The following TENM3 variants were observed in gnomAD, a reference collection of about 807,000 sequenced individuals.
TENM3 encodes teneurin transmembrane protein 3, also known as teneurin-3.
A neutral mutation model predicts 255.1 loss-of-function variants in TENM3; 63 were observed. The observed-to-expected ratio is 0.25, with a 90% CI of 0.20 to 0.30. The LOEUF is 0.30. Ranked by LOEUF, TENM3 falls within the 10% of genes least tolerant of loss-of-function variation. The pLI, the probability that TENM3 is intolerant of heterozygous loss-of-function variation, is 1.00. For synonymous variants in TENM3, 1,306 were observed against 1,322.3 expected, an observed-to-expected ratio of 0.99 and a Z score of 0.27; for missense variants, 2,929 against 3,461.1, an observed-to-expected ratio of 0.85 and a Z score of 3.86.
chr4:182,216,871 G>A (rs1007888479), intron 1 of TENM3, among the ~76,000 whole-genome samples: 1 of 152,112 alleles, frequency 6.6e-6, no homozygotes, highest in African/African-American at 2.4e-5. Context: ...TGGCAGACTT[G>A]CATTCTATTA....
chr4:182,136,985 C>G, the TENM3 span, among the ~76,000 whole-genome samples: 6 of 151,290 alleles, frequency 4.0e-5, no homozygotes, highest in African/African-American at 1.5e-4. Flanking sequence ...TCCCCCCCCA[C>G]CCAATACAAC....
At chr4:181,789,510 G>A in the TENM3 span, among the ~76,000 whole-genome samples, 137 of 151,942 alleles carry the variant, frequency 9.0e-4, no homozygotes, top group Non-Finnish European at 1.6e-3. Context: ...ACCCACTTCA[G>A]CCTCCCAAAG....
chr4:181,694,699 A>T, the TENM3 span, among the ~76,000 whole-genome samples: 1 of 152,234 alleles, frequency 6.6e-6, no homozygotes, highest in South Asian at 2.1e-4. Context: ...GAATGACCCC[A>T]GGAAAGCTTT....
the TENM3 span, among the ~76,000 whole-genome samples, chr4:181,775,304 T>C: frequency 1.3e-5 from 2 of 152,184 alleles, no homozygotes; most frequent in Non-Finnish European, 2.9e-5. Flanking sequence ...TTCCCTGCCT[T>C]AATAGACACA....
chr4:181,959,693 A>C, the TENM3 span, among the ~76,000 whole-genome samples: 2 of 152,200 alleles, frequency 1.3e-5, no homozygotes, highest in Non-Finnish European at 2.9e-5. Context: ...AAAGAAAAAA[A>C]CATTAATTCA....
intron 1 of TENM3, among the ~76,000 whole-genome samples, chr4:182,269,407 T>C (rs1442234990): frequency 6.6e-6 from 1 of 152,194 alleles, no homozygotes; most frequent in Non-Finnish European, 1.5e-5. Flanking sequence ...ACTGGACAGT[T>C]GGCCAAGGGA....
chr4:182,089,651 A>G, the TENM3 span, among the ~76,000 whole-genome samples: 2 of 152,208 alleles, frequency 1.3e-5, no homozygotes, highest in African/African-American at 4.8e-5. Context: ...GGCTTCTAAG[A>G]AATATACATA....
chr4:181,787,049 T>C, the TENM3 span, among the ~76,000 whole-genome samples: 6 of 152,298 alleles, frequency 3.9e-5, no homozygotes, highest in African/African-American at 1.2e-4. Flanking sequence ...AATAAAACCC[T>C]AAGCACCTCA....
chr4:181,661,614 C>T, the TENM3 span, among the ~76,000 whole-genome samples: 47,836 of 151,852 alleles, frequency 0.32, 7,872 homozygotes, highest in Non-Finnish European at 0.37. Context: ...TACTGAATTG[C>T]GAGCCCTGTT....
the TENM3 span, among the ~76,000 whole-genome samples, chr4:181,856,106 A>G: frequency 2.5e-5 from 3 of 121,898 alleles, no homozygotes; most frequent in Non-Finnish European, 5.3e-5. Flanking sequence ...GGAAAGAAGG[A>G]AGGAAAGGAA....
At chr4:181,545,767 T>G in the TENM3 span, among the ~76,000 whole-genome samples, 9 of 152,332 alleles carry the variant, frequency 5.9e-5, no homozygotes, top group Non-Finnish European at 8.8e-5. Context: ...GGAAAGAAAT[T>G]CAGCATGTGT....
At chr4:182,332,521 C>A (rs559474420) in intron 2 of TENM3, among the ~76,000 whole-genome samples, 2 of 152,038 alleles carry the variant, frequency 1.3e-5, no homozygotes, top group South Asian at 4.1e-4. Context: ...GGAGAAACCC[C>A]CATCTCTACT....
chr4:181,992,438 C>A, the TENM3 span, among the ~76,000 whole-genome samples: 1 of 152,064 alleles, frequency 6.6e-6, no homozygotes, highest in Non-Finnish European at 1.5e-5. Context: ...ACAGCAGAGA[C>A]CTCCGATAAC....
At chr4:181,861,125 C>T in the TENM3 span, among the ~76,000 whole-genome samples, 5 of 152,156 alleles carry the variant, frequency 3.3e-5, no homozygotes, top group East Asian at 1.9e-4. Context: ...CTTGAAAATA[C>T]GTTATTATCT....
intron 3 of TENM3, 91 bp from the exon 4 acceptor site, chr4:182,600,833 C>T (rs962995901): frequency 1.7e-6 from 1 of 592,064 alleles, no homozygotes; most frequent in South Asian, 3.6e-5. Flanking sequence ...AATTCATCTG[C>T]AGTGGATCCC....
the TENM3 span, among the ~76,000 whole-genome samples, chr4:181,756,567 G>A: frequency 6.6e-6 from 1 of 152,198 alleles, no homozygotes; most frequent in African/African-American, 2.4e-5. Context: ...GATGGGGTTA[G>A]GTTTTTAGAG....
At chr4:182,135,554 T>G in the TENM3 span, among the ~76,000 whole-genome samples, 1 of 152,224 alleles carries the variant, frequency 6.6e-6, no homozygotes, top group African/African-American at 2.4e-5. Flanking sequence ...TATCAAAATA[T>G]CAAAATCTTA....
the TENM3 span, among the ~76,000 whole-genome samples, chr4:181,677,422 A>G: frequency 2.6e-5 from 4 of 152,140 alleles, no homozygotes; most frequent in African/African-American, 7.2e-5. Context: ...CAAAAGAGAC[A>G]TTCCTTTGAA....
At chr4:182,426,007 C>CAAAAA (rs55836889) in intron 3 of TENM3, among the ~76,000 whole-genome samples, 13 of 90,720 alleles carry the variant, frequency 1.4e-4, no homozygotes, top group African/African-American at 2.2e-4. Context: ...GAGTCCATGT[C>CAAAAA]AAAAAAAAAA....
Sources: gnomAD v4.1 joint callset for allele counts (sites outside exome capture counted in the v4.1 genomes callset) on GRCh38, gnomAD v4.1.1 for gene constraint, MANE v1.5 for transcripts, NCBI Gene and HGNC (gene_info 2026-07-23, HGNC 2026-07-21) for gene names.